The following PGBD5 variants were observed in gnomAD, a reference collection of about 807,000 sequenced individuals.
PGBD5 encodes piggyBac transposable element derived 5.
Under a neutral mutation model 47.9 loss-of-function variants are expected in PGBD5, and 14 were observed. That is an observed-to-expected ratio of 0.29 (90% CI 0.19 to 0.46). PGBD5 has a LOEUF of 0.46. PGBD5 is among the 20% of genes least tolerant of loss of function. The pLI is 1.00. For missense variants in PGBD5, 635 were observed against 716.0 expected (o/e 0.89, Z 1.29); for synonymous variants, 316 against 306.3 (o/e 1.03, Z -0.33).
Position 230,355,067 on chromosome 1 carries a change from T to C in PGBD5, c.759+1827A>G, listed in dbSNP as rs567450296. Among the ~76,000 whole-genome samples the C allele has an allele frequency of 3.7e-4, 56 of 152,194 alleles. 1 individual carries two copies. The highest frequency in any genetic ancestry group is 1.3e-3 in the African/African-American group (56 of 41,520). On this transcript the variant is annotated intron_variant, in intron 2 of 6. Coordinates refer to ENST00000391860, the MANE Select transcript of PGBD5 (RefSeq NM_001258311.2). Reference sequence around the variant, plus strand: ...GCAAGCCTCATCACCTGGAAGCAAATACAAGTGAGCCGCAGAATAACACGA... The same window carrying C: ...GCAAGCCTCATCACCTGGAAGCAAACACAAGTGAGCCGCAGAATAACACGA...
At position 230,323,309 on chromosome 1, in the gene PGBD5, C is replaced by T; in HGVS notation, c.*116G>A. ...GTCCCTCCAGAGGCCCTGTGCATCC[C>T]TCCCAGGCAGCAAGCCACACACCAG... On this transcript the variant is annotated 3_prime_UTR_variant, in exon 7 of 7. Coordinates refer to ENST00000391860, the MANE Select transcript of PGBD5 (RefSeq NM_001258311.2). This position sits in a 1 kb window ranked among gnomAD's most constrained non-coding sequence, Gnocchi z 4.1. 2.4e-6 allele frequency: 3 copies of T among 1,254,672 alleles called. No individual in the cohort carries two copies. The highest frequency in any genetic ancestry group is 1.1e-6 in the Non-Finnish European group (1 of 912,068). 77.7% of individuals were successfully genotyped at this position (1,254,672 alleles called of 1,614,324 possible).
chr1:230,350,979 A>G lies in PGBD5; in HGVS notation c.873T>C (p.Ser291=). Residue 291 remains serine (S), a synonymous_variant, in exon 3 of 7, where the codon TCT becomes TCC. Coordinates refer to ENST00000391860, the MANE Select transcript of PGBD5 (RefSeq NM_001258311.2). ...RKFSLWVRQC[S]STGFIIQIYV... ...TCACCTGGATGATGAAGCCAGTGGA[A>G]GAACATTGTCTGACCCAGAGGCTGA... is the stretch of plus-strand genomic sequence containing the variant. 6.2e-7 allele frequency: 1 copy of G among 1,614,126 alleles called. No homozygotes were observed. The highest frequency in any genetic ancestry group is 8.5e-7 in the Non-Finnish European group (1 of 1,180,002).
intron 1 of PGBD5, among the ~76,000 whole-genome samples, chr1:230,414,309 G>A (rs565944794): frequency 1.2e-4 from 18 of 152,248 alleles, no homozygotes; most frequent in African/African-American, 3.1e-4. Context: ...AGACAGCCGC[G>A]GATCTTCCCT....
At chr1:230,377,421 T>C in intron 1 of PGBD5, 2 of 1,441,018 alleles carry the variant, frequency 1.4e-6, no homozygotes, top group Admixed American at 3.7e-5. Flanking sequence ...GTGATGATGA[T>C]GATGAAGATG....
intron 3 of PGBD5, among the ~76,000 whole-genome samples, chr1:230,339,291 GAAC>G (rs1457253682): frequency 6.6e-6 from 1 of 152,180 alleles, no homozygotes; most frequent in Non-Finnish European, 1.5e-5. Context: ...GACCAACAGT[GAAC>G]AACACCTTCC....
chr1:230,349,728 T>G (rs1234825807), intron 3 of PGBD5, among the ~76,000 whole-genome samples: 1 of 152,066 alleles, frequency 6.6e-6, no homozygotes, highest in Non-Finnish European at 1.5e-5. Flanking sequence ...TATGGGAGTA[T>G]CATCACAAAA....
Position 230,380,966 on chromosome 1 carries a change from G to A in PGBD5, c.332-23645C>T, listed in dbSNP as rs374890647. On this transcript the variant is annotated intron_variant, in intron 1 of 6. Transcript: ENST00000391860. ...GGACACGGATGGCTCTGGGAGCCCC[G>A]CTCAGGAGTGGGTGGCCGTCTGCGG... Among the ~76,000 whole-genome samples the A allele has an allele frequency of 2.0e-4, 31 of 152,372 alleles. No homozygotes were observed. In the South Asian group the frequency reaches 5.2e-3, roughly 25 times the overall value.
chr1:230,418,247 T>C (rs1351198054), intron 1 of PGBD5, among the ~76,000 whole-genome samples: 2 of 152,218 alleles, frequency 1.3e-5, no homozygotes, highest in Non-Finnish European at 2.9e-5. Flanking sequence ...ACAAGAACGT[T>C]TGTAGCAACT....
At chr1:230,338,896 G>A (rs114369146) in intron 3 of PGBD5, among the ~76,000 whole-genome samples, 7 of 152,210 alleles carry the variant, frequency 4.6e-5, no homozygotes, top group African/African-American at 1.4e-4. Flanking sequence ...CTGTCAGGAA[G>A]AGCCCGGTTC....
At chr1:230,326,083 G>C (rs1239407316) in intron 5 of PGBD5, among the ~76,000 whole-genome samples, 1 of 152,214 alleles carries the variant, frequency 6.6e-6, no homozygotes, top group African/African-American at 2.4e-5. Context: ...ACATCACTAT[G>C]TGCCCCGTGA....
intron 1 of PGBD5, among the ~76,000 whole-genome samples, chr1:230,374,947 G>GC (rs1667988326): frequency 6.6e-6 from 1 of 152,218 alleles, no homozygotes; most frequent in Non-Finnish European, 1.5e-5. Flanking sequence ...GGTCCAGGCC[G>GC]TGGCCCTCCT....
chr1:230,393,931 G>C (rs903281053), intron 1 of PGBD5, among the ~76,000 whole-genome samples: 1 of 151,946 alleles, frequency 6.6e-6, no homozygotes, highest in Admixed American at 6.6e-5. Flanking sequence ...CCGCCCTAGA[G>C]TCCGCCACAC....
At chr1:230,419,854 GGTT>G (rs1283694347) in intron 1 of PGBD5, among the ~76,000 whole-genome samples, 5 of 152,158 alleles carry the variant, frequency 3.3e-5, no homozygotes, top group African/African-American at 1.2e-4. Context: ...GGCCAGGCGT[GGTT>G]GCTCACACCT....
intron 2 of PGBD5, among the ~76,000 whole-genome samples, chr1:230,352,415 T>C (rs190145461): frequency 6.6e-6 from 1 of 152,248 alleles, no homozygotes; most frequent in Admixed American, 6.5e-5. Flanking sequence ...AAAAAGGTCT[T>C]CCAAGGACAG....
At chr1:230,422,984 T>A (rs376786036) in intron 1 of PGBD5, among the ~76,000 whole-genome samples, 17 of 151,436 alleles carry the variant, frequency 1.1e-4, no homozygotes, top group African/African-American at 4.1e-4. Context: ...ACAGCGACTC[T>A]GCAAAGGTTT....
chr1:230,355,882 G>A (rs1419900064), intron 2 of PGBD5, among the ~76,000 whole-genome samples: 1 of 152,148 alleles, frequency 6.6e-6, no homozygotes, highest in African/African-American at 2.4e-5. Context: ...AGAATGTAAG[G>A]CTCCCACAGA....
intron 1 of PGBD5, among the ~76,000 whole-genome samples, chr1:230,388,992 C>A (rs556515391): frequency 1.3e-5 from 2 of 152,268 alleles, no homozygotes; most frequent in Admixed American, 1.3e-4. Flanking sequence ...CTATGCCCAC[C>A]ACCAGCCCCA....
intron 1 of PGBD5, among the ~76,000 whole-genome samples, chr1:230,367,648 C>T (rs1872853): frequency 0.63 from 96,041 of 151,584 alleles, 31,685 homozygotes; most frequent in Non-Finnish European, 0.74. Context: ...TAGTGAACCA[C>T]GACTGCGTCA....
At chr1:230,327,492 T>C (rs565469519) in intron 5 of PGBD5, among the ~76,000 whole-genome samples, 210 of 152,312 alleles carry the variant, frequency 1.4e-3, no homozygotes, top group African/African-American at 4.8e-3. Context: ...TTGTGGGAAA[T>C]TGAGCTGCCA....
Sources: gnomAD v4.1 joint callset for allele counts (sites outside exome capture counted in the v4.1 genomes callset) on GRCh38, gnomAD v4.1.1 for gene constraint, Gnocchi (gnomAD v3.1) non-coding constraint, MANE v1.5 for transcripts, NCBI Gene and HGNC (gene_info 2026-07-23, HGNC 2026-07-21) for gene names.